The following ST6GALNAC5 variants were observed in gnomAD, a reference collection of about 807,000 sequenced individuals.
ST6GALNAC5 encodes ST6 N-acetylgalactosaminide alpha-2,6-sialyltransferase 5, also known as alpha-N-acetylgalactosaminide alpha-2,6-sialyltransferase 5.
Under a neutral mutation model 33.6 loss-of-function variants are expected in ST6GALNAC5, and 27 were observed. The ratio of observed to expected loss-of-function variants is 0.80; its 90% CI spans 0.59 to 1.11. The LOEUF (loss-of-function observed/expected upper bound fraction) is 1.11, where lower values mean the gene tolerates loss of function less well. Among genes scored for constraint, ST6GALNAC5 ranks in the 50% least tolerant of loss-of-function variants. The probability of loss-of-function intolerance (pLI) is 0.00; values close to 1 mark genes in which losing one functional copy is unlikely to be tolerated. For missense variants in ST6GALNAC5, 428 were observed against 454.0 expected (o/e 0.94, Z 0.52); for synonymous variants, 194 against 171.2 (o/e 1.13, Z -1.04).
chr1:77,040,329 G>A (rs1025734822), intron 2 of ST6GALNAC5, among the ~76,000 whole-genome samples: 4 of 152,188 alleles, frequency 2.6e-5, no homozygotes, highest in African/African-American at 7.2e-5. Flanking sequence ...TTCAGACTTC[G>A]ATCTTTTTTG....
chr1:77,028,483 C>T (rs2100445208), intron 2 of ST6GALNAC5, among the ~76,000 whole-genome samples: 1 of 152,220 alleles, frequency 6.6e-6, no homozygotes, highest in Non-Finnish European at 1.5e-5. Context: ...CCGAAACCCA[C>T]TTTCTGCAGC....
rs535246917 is a variant in ST6GALNAC5, at chr1:76,872,958, C to T, written c.261+4216C>T. ...TTAACAGGATAAATGTTTTTTATAACATTTATTAAAATACTTAACCTTCCT... is the reference window on the plus strand; with the variant it reads ...TTAACAGGATAAATGTTTTTTATAATATTTATTAAAATACTTAACCTTCCT... On this transcript the variant is annotated intron_variant, in intron 2 of 4. Coordinates refer to ENST00000477717, the MANE Select transcript of ST6GALNAC5 (RefSeq NM_030965.3). 2.3e-3 allele frequency among the ~76,000 whole-genome samples: 344 copies of T among 152,286 alleles called. 6 individuals carry two copies. The highest frequency in any genetic ancestry group is 7.9e-3 in the African/African-American group (328 of 41,552).
intron 2 of ST6GALNAC5, among the ~76,000 whole-genome samples, chr1:76,976,702 T>C (rs974556624): frequency 1.3e-5 from 2 of 152,190 alleles, no homozygotes; most frequent in Non-Finnish European, 2.9e-5. Flanking sequence ...ATAAATAAAG[T>C]AATGCTGTAC....
At chr1:77,018,309 TAAC>T (rs1354672765) in intron 2 of ST6GALNAC5, among the ~76,000 whole-genome samples, 1 of 152,172 alleles carries the variant, frequency 6.6e-6, no homozygotes, top group Non-Finnish European at 1.5e-5. Context: ...TTAAGAATCT[TAAC>T]AACAGTTAGA....
chr1:76,925,188 G>A (rs1557725130), intron 2 of ST6GALNAC5, among the ~76,000 whole-genome samples: 2 of 151,964 alleles, frequency 1.3e-5, no homozygotes, highest in East Asian at 3.9e-4. Flanking sequence ...ATCACCAAGA[G>A]GATGGTGTTA....
chr1:77,037,751 G>A (rs1310667488), intron 2 of ST6GALNAC5, among the ~76,000 whole-genome samples: 1 of 152,132 alleles, frequency 6.6e-6, no homozygotes, highest in African/African-American at 2.4e-5. Context: ...AGAGCTAAGA[G>A]TGCTGCAGGA....
chr1:77,044,594 C>G lies in ST6GALNAC5; in HGVS notation c.652C>G (p.Gln218Glu). 1 of 1,560,716 alleles carries G rather than the reference C, an allele frequency of 6.4e-7. No individual in the cohort carries two copies. The highest frequency in any genetic ancestry group is 1.2e-5 in the South Asian group (1 of 82,618). ...GCTGCAGTTTGATGAGCTCTTCAAG[C>G]AGGAGACTGGCAAAGACAGGTACAA... ...KMLQFDELFKQETGKDRKISN... is the reference protein window; with the variant it reads ...KMLQFDELFKEETGKDRKISN... The change falls in exon 3 of 5, where the codon CAG becomes GAG. Residue 218 changes from glutamine to glutamate, a missense_variant. By Grantham distance (29) the Gln-to-Glu change is conservative. Transcript: ENST00000477717.
At chr1:77,021,469 C>T (rs141501787) in intron 2 of ST6GALNAC5, among the ~76,000 whole-genome samples, 63 of 152,108 alleles carry the variant, frequency 4.1e-4, no homozygotes, top group African/African-American at 5.8e-4. Context: ...ATTTTGTTGC[C>T]GCCATACTTC....
intron 2 of ST6GALNAC5, among the ~76,000 whole-genome samples, chr1:76,901,347 G>T (rs1011476535): frequency 1.3e-5 from 2 of 152,200 alleles, no homozygotes; most frequent in African/African-American, 4.8e-5. Context: ...TACTCCTCCT[G>T]CCATGAGAGG....
chr1:76,958,452 G>A (rs527541019), intron 2 of ST6GALNAC5, among the ~76,000 whole-genome samples: 15 of 152,182 alleles, frequency 9.9e-5, no homozygotes, highest in Admixed American at 2.0e-4. Flanking sequence ...GACTTTGTGG[G>A]GATGTCATCA....
intron 2 of ST6GALNAC5, among the ~76,000 whole-genome samples, chr1:76,942,816 C>T (rs1291918471): frequency 1.3e-5 from 2 of 152,118 alleles, no homozygotes; most frequent in Non-Finnish European, 2.9e-5. Context: ...TCCACCTCCA[C>T]AGACATTTAG....
intron 2 of ST6GALNAC5, among the ~76,000 whole-genome samples, chr1:76,964,703 C>T (rs1648385992): frequency 6.6e-6 from 1 of 152,136 alleles, no homozygotes; most frequent in Admixed American, 6.5e-5. Flanking sequence ...TGGTTTCCTG[C>T]ACCCATTAAC....
At chr1:77,055,179 G>A (rs1379536498) in intron 4 of ST6GALNAC5, among the ~76,000 whole-genome samples, 1 of 152,004 alleles carries the variant, frequency 6.6e-6, no homozygotes, top group African/African-American at 2.4e-5. Context: ...CCCTAGCTTA[G>A]CACACAAGAC....
intron 2 of ST6GALNAC5, among the ~76,000 whole-genome samples, chr1:76,887,568 T>C (rs574418076): frequency 1.3e-5 from 2 of 152,318 alleles, no homozygotes; most frequent in Admixed American, 6.5e-5. Flanking sequence ...AGAGTACAAA[T>C]AGAGGCCCAC....
intron 2 of ST6GALNAC5, among the ~76,000 whole-genome samples, chr1:76,876,983 C>T (rs1386477952): frequency 1.3e-5 from 2 of 152,190 alleles, no homozygotes; most frequent in East Asian, 3.9e-4. Flanking sequence ...AGGACCTGCT[C>T]AAGCCCGATC....
At chr1:76,915,328 C>A (rs1028379756) in intron 2 of ST6GALNAC5, among the ~76,000 whole-genome samples, 1 of 151,996 alleles carries the variant, frequency 6.6e-6, no homozygotes, top group African/African-American at 2.4e-5. Context: ...TTTGACCCAG[C>A]CATCCCATTA....
chr1:77,005,124 C>G (rs1650344872), intron 2 of ST6GALNAC5, among the ~76,000 whole-genome samples: 1 of 152,186 alleles, frequency 6.6e-6, no homozygotes, highest in African/African-American at 2.4e-5. Context: ...TCTCAGACTG[C>G]TGTGCTAGCA....
At chr1:77,060,694 GT>G (rs1226453447) in intron 4 of ST6GALNAC5, among the ~76,000 whole-genome samples, 1 of 151,966 alleles carries the variant, frequency 6.6e-6, no homozygotes, top group Non-Finnish European at 1.5e-5. Flanking sequence ...AGTCAGATAA[GT>G]TTTTTTTCCA....
chr1:77,016,232 T>C (rs1570100111), intron 2 of ST6GALNAC5, among the ~76,000 whole-genome samples: 1 of 77,932 alleles, frequency 1.3e-5, no homozygotes, highest in Admixed American at 1.4e-4. Flanking sequence ...CTCCTCCCCC[T>C]CCTCCTCCTG....
Sources: gnomAD v4.1 joint callset for allele counts (sites outside exome capture counted in the v4.1 genomes callset) on GRCh38, gnomAD v4.1.1 for gene constraint, MANE v1.5 for transcripts, NCBI Gene and HGNC (gene_info 2026-07-23, HGNC 2026-07-21) for gene names.